Variants in POU6F2 observed in about 807,000 individuals in gnomAD.
POU6F2 encodes POU domain, class 6, transcription factor 2.
A neutral mutation model predicts 71.3 loss-of-function variants in POU6F2; 31 were observed. That is an observed-to-expected ratio of 0.43 (90% CI 0.33 to 0.59). The LOEUF is 0.59. Among genes scored for constraint, POU6F2 ranks in the 20% least tolerant of loss-of-function variants. The pLI is 0.04. For missense variants in POU6F2, 783 were observed against 856.8 expected, an observed-to-expected ratio of 0.91 and a Z score of 1.07; for synonymous variants, 347 against 355.7, an observed-to-expected ratio of 0.98 and a Z score of 0.27.
chr7:39,023,210 A>G (rs893234414), intron 1 of POU6F2, among the ~76,000 whole-genome samples: 7 of 152,086 alleles, frequency 4.6e-5, no homozygotes, highest in Non-Finnish European at 1.0e-4. Flanking sequence ...ATTGTTTTGC[A>G]GGAATTTAAA....
chr7:39,027,368 C>T (rs567191729), intron 1 of POU6F2, among the ~76,000 whole-genome samples: 53 of 152,214 alleles, frequency 3.5e-4, no homozygotes, highest in African/African-American at 9.1e-4. Context: ...TGATGTTATG[C>T]GGTGCTTCTA....
chr7:39,066,034 C>T (rs1790748119), intron 1 of POU6F2, among the ~76,000 whole-genome samples: 1 of 151,748 alleles, frequency 6.6e-6, no homozygotes, highest in Non-Finnish European at 1.5e-5. Flanking sequence ...ATGCAAAATA[C>T]TCAATAAGAT....
intron 8 of POU6F2, among the ~76,000 whole-genome samples, chr7:39,452,295 CTA>C (rs897813943): frequency 2.6e-5 from 4 of 152,060 alleles, no homozygotes; most frequent in African/African-American, 9.7e-5. Flanking sequence ...CCTAAATAGC[CTA>C]TATATATGTA....
At chr7:39,391,789 G>A (rs1213037439) in intron 5 of POU6F2, among the ~76,000 whole-genome samples, 2 of 152,188 alleles carry the variant, frequency 1.3e-5, no homozygotes, top group Non-Finnish European at 2.9e-5. Flanking sequence ...TTGTCTGGTC[G>A]ACTTGCAGTT....
intron 4 of POU6F2, among the ~76,000 whole-genome samples, chr7:39,318,599 T>C (rs1266158143): frequency 6.6e-6 from 1 of 152,212 alleles, no homozygotes; most frequent in Non-Finnish European, 1.5e-5. Context: ...CTTATGTGTC[T>C]GCTGCAAAAG....
intron 5 of POU6F2, among the ~76,000 whole-genome samples, chr7:39,400,274 G>A (rs73386463): frequency 0.026 from 3,920 of 152,238 alleles, 156 homozygotes; most frequent in African/African-American, 0.09. Flanking sequence ...AATTCCAAGG[G>A]TTTAGGAGTT....
At chr7:39,459,741 CTG>C (rs1788900558) in intron 8 of POU6F2, among the ~76,000 whole-genome samples, 1 of 152,160 alleles carries the variant, frequency 6.6e-6, no homozygotes, top group African/African-American at 2.4e-5. Flanking sequence ...CCAACCCATG[CTG>C]TCTCCAGCTT....
At chr7:39,140,395 G>T (rs1792471420) in intron 2 of POU6F2, among the ~76,000 whole-genome samples, 1 of 152,176 alleles carries the variant, frequency 6.6e-6, no homozygotes, top group African/African-American at 2.4e-5. Context: ...CCTCAAACTG[G>T]ATGGTTGAAA....
chr7:39,419,096 TATATACAC>T (rs1205711227), intron 6 of POU6F2, among the ~76,000 whole-genome samples: 2 of 74,082 alleles, frequency 2.7e-5, no homozygotes, highest in African/African-American at 1.1e-4. Context: ...TATATGTGTA[TATATACAC>T]ATATATACGT....
chr7:39,370,453 G>C (rs1215783259), intron 5 of POU6F2, among the ~76,000 whole-genome samples: 2 of 152,230 alleles, frequency 1.3e-5, no homozygotes, highest in Admixed American at 1.3e-4. Flanking sequence ...GCAGGGCTCT[G>C]AAGCTCTAGT....
intron 1 of POU6F2, among the ~76,000 whole-genome samples, chr7:39,079,343 C>A (rs1056481796): frequency 6.6e-6 from 1 of 151,928 alleles, no homozygotes; most frequent in Admixed American, 6.6e-5. Flanking sequence ...CGCCCGCAAC[C>A]ACGCCCCACT....
chr7:39,070,923 T>C (rs181404199), intron 1 of POU6F2, among the ~76,000 whole-genome samples: 11 of 152,278 alleles, frequency 7.2e-5, no homozygotes, highest in Admixed American at 7.2e-4. Flanking sequence ...TTCAATGAGG[T>C]GTTCCCATCA....
rs1015637854 is a variant in POU6F2 at position 39,464,660 on chromosome 7, A to G, written c.2137A>G (p.Thr713Ala). ...CACGGCAGTCCCTTTGGAGCCCTTA[A>G]CAGACTCTCTGGAAGAAAACTCCTA... ...PATAVPLEPL[T>A]DSLEENS Residue 713 changes from threonine to alanine, a missense_variant, in exon 10 of 10, where the codon ACA becomes GCA. Thr to Ala is a moderately conservative substitution (Grantham distance 58). Transcript: ENST00000518318. This position sits in a 1 kb window ranked among gnomAD's most constrained non-coding sequence, Gnocchi z 4.1. 2 of 1,606,354 alleles carry G rather than the reference A, an allele frequency of 1.2e-6. No homozygotes were observed. Among genetic ancestry groups the G allele is most frequent in the Non-Finnish European group, 1.7e-6 (2 of 1,176,724 alleles).
intron 2 of POU6F2, among the ~76,000 whole-genome samples, chr7:39,162,234 A>G (rs745461825): frequency 3.9e-5 from 6 of 152,206 alleles, no homozygotes; most frequent in Non-Finnish European, 7.3e-5. Flanking sequence ...GAGGGAAGAT[A>G]AGAAGTGTGC....
chr7:39,045,127 C>T (rs914227998), intron 1 of POU6F2, among the ~76,000 whole-genome samples: 1 of 151,942 alleles, frequency 6.6e-6, no homozygotes, highest in Non-Finnish European at 1.5e-5. Context: ...AGGCTGTAAA[C>T]CCTGTAGTTA....
chr7:39,284,582 CT>C (rs1435800797), intron 4 of POU6F2, among the ~76,000 whole-genome samples: 1 of 152,154 alleles, frequency 6.6e-6, no homozygotes, highest in Non-Finnish European at 1.5e-5. Flanking sequence ...TTAATTTGAT[CT>C]TTGTTCTTTA....
chr7:39,141,871 A>T (rs1792511160), intron 2 of POU6F2, among the ~76,000 whole-genome samples: 1 of 152,128 alleles, frequency 6.6e-6, no homozygotes, highest in Non-Finnish European at 1.5e-5. Context: ...GCGGATCACG[A>T]GGTCAGGAGA....
At chr7:39,185,329 C>T in intron 2 of POU6F2, among the ~76,000 whole-genome samples, 1 of 152,138 alleles carries the variant, frequency 6.6e-6, no homozygotes, top group East Asian at 1.9e-4. Context: ...CTGGATTGTC[C>T]TCCCTCCCAC....
rs73695528 is a variant in POU6F2, at chr7:39,218,446, G to A, written c.598+10826G>A. 3.8e-3 allele frequency among the ~76,000 whole-genome samples: 573 copies of A among 152,220 alleles called. 7 individuals are homozygous for A. The highest frequency in any genetic ancestry group is 0.013 in the African/African-American group (556 of 41,542). On this transcript the variant is annotated intron_variant, in intron 4 of 9. Transcript: ENST00000518318. ...AGAGCTAATGCTCTCCAAGAAAACC[G>A]TATCTTCTCTTACGTGTGTAATTCT...
Sources: allele counts gnomAD v4.1 joint callset (sites outside exome capture counted in the v4.1 genomes callset), GRCh38; gene constraint gnomAD v4.1.1; non-coding constraint Gnocchi (gnomAD v3.1); transcripts MANE v1.5; gene names NCBI Gene and HGNC (gene_info 2026-07-23, HGNC 2026-07-21).